Variants in GABPA observed in about 807,000 individuals in gnomAD.
GABPA encodes GA binding protein transcription factor subunit alpha.
In GABPA, 4 loss-of-function variants were observed where a neutral mutation model predicts 59.4. The ratio of observed to expected loss-of-function variants is 0.07; its 90% confidence interval spans 0.03 to 0.15. GABPA has a LOEUF of 0.15. Ranked by LOEUF, GABPA falls within the 10% of genes least tolerant of loss-of-function variation. The pLI is 1.00. For synonymous variants in GABPA, 164 were observed against 183.1 expected (o/e 0.90, Z 0.84); for missense variants, 251 against 543.8 (o/e 0.46, Z 5.36).
At position 25,734,994 on chromosome 21, in the gene GABPA, A is replaced by G; in HGVS notation, c.-611A>G. The G allele has an allele frequency of 6.5e-7, 1 of 1,549,482 alleles. No homozygotes were observed. The highest frequency in any genetic ancestry group is 8.7e-7 in the Non-Finnish European group (1 of 1,147,110). On this transcript the variant is annotated 5_prime_UTR_variant, in exon 1 of 10. Coordinates refer to ENST00000400075, the MANE Select transcript of GABPA (RefSeq NM_002040.4). ...TTCAGTCGGTCGACGCTCACCGGAC[A>G]GGAAGCGTCTCGGAGACAGTCTGCG...
intron 3 of GABPA, among the ~76,000 whole-genome samples, chr21:25,748,512 C>G (rs1169850393): frequency 6.6e-6 from 1 of 152,080 alleles, no homozygotes; most frequent in African/African-American, 2.4e-5. Context: ...AATTAGGATT[C>G]AAGATATTCA....
intron 1 of GABPA, among the ~76,000 whole-genome samples, chr21:25,736,378 C>T (rs1280697256): frequency 6.6e-6 from 1 of 152,124 alleles, no homozygotes; most frequent in Non-Finnish European, 1.5e-5. Flanking sequence ...TAGAACGAGG[C>T]GGTGATAACA....
intron 5 of GABPA, among the ~76,000 whole-genome samples, chr21:25,752,835 G>A (rs1347770252): frequency 1.3e-5 from 2 of 152,290 alleles, no homozygotes; most frequent in East Asian, 3.9e-4. Flanking sequence ...TAGAGACTAA[G>A]TGAAGGGAAA....
At chr21:25,767,607 CTTTCCT>C (rs1259507279) in intron 9 of GABPA, among the ~76,000 whole-genome samples, 1 of 152,066 alleles carries the variant, frequency 6.6e-6, no homozygotes, top group Non-Finnish European at 1.5e-5. Flanking sequence ...TATAAAACCT[CTTTCCT>C]TTTCCATTTT....
At chr21:25,756,795 T>G (rs1457348018) in intron 5 of GABPA, among the ~76,000 whole-genome samples, 1 of 152,192 alleles carries the variant, frequency 6.6e-6, no homozygotes, top group African/African-American at 2.4e-5. Flanking sequence ...GGTTTTTGGT[T>G]TTGTTCTCCA....
At chr21:25,750,286 T>A (rs1038237148) in intron 4 of GABPA, among the ~76,000 whole-genome samples, 1 of 152,232 alleles carries the variant, frequency 6.6e-6, no homozygotes. Context: ...GATGAAACTT[T>A]ATCCACTCGC....
At chr21:25,751,908 G>A in intron 4 of GABPA, 81 bp from the exon 5 acceptor site, 1 of 1,397,472 alleles carries the variant, frequency 7.2e-7, no homozygotes, top group East Asian at 2.3e-5. Flanking sequence ...TCTACCATTT[G>A]GGAACATATA....
intron 7 of GABPA, among the ~76,000 whole-genome samples, chr21:25,763,794 G>T (rs2035821812): frequency 6.6e-6 from 1 of 152,080 alleles, no homozygotes. Context: ...GTGTCATAGG[G>T]TTTCTATCCT....
intron 6 of GABPA, among the ~76,000 whole-genome samples, chr21:25,760,503 C>T (rs2035739333): frequency 6.6e-6 from 1 of 152,046 alleles, no homozygotes. Context: ...TGAGCCACCA[C>T]CTGCCTGCAG....
intron 9 of GABPA, among the ~76,000 whole-genome samples, chr21:25,766,983 C>G (rs2035906231): frequency 6.6e-6 from 1 of 151,940 alleles, no homozygotes; most frequent in African/African-American, 2.4e-5. Context: ...GTGAACCTCA[C>G]AAACATAATG....
At chr21:25,766,579 AAT>A (rs2146103338) in intron 9 of GABPA, among the ~76,000 whole-genome samples, 1 of 152,072 alleles carries the variant, frequency 6.6e-6, no homozygotes, top group South Asian at 2.1e-4. Context: ...ATGGCCAATG[AAT>A]ATATGCAAAG....
At chr21:25,742,056 A>G (rs1026798007) in intron 2 of GABPA, among the ~76,000 whole-genome samples, 4 of 152,378 alleles carry the variant, frequency 2.6e-5, no homozygotes, top group African/African-American at 7.2e-5. Flanking sequence ...GAATATGTGA[A>G]TAAATAAGAT....
chr21:25,756,687 CATGGAGGTCTT>C (rs2035645517), intron 5 of GABPA, among the ~76,000 whole-genome samples: 9 of 152,170 alleles, frequency 5.9e-5, no homozygotes, highest in African/African-American at 1.9e-4. Context: ...AAGCTAAGAC[CATGGAGGTCTT>C]ATAGCTGTTA....
At chr21:25,739,069 C>T (rs2035152357) in intron 1 of GABPA, among the ~76,000 whole-genome samples, 1 of 152,256 alleles carries the variant, frequency 6.6e-6, no homozygotes. Flanking sequence ...CCTGCGCAGT[C>T]TGCTCCATAT....
At position 25,752,052 on chromosome 21, in the gene GABPA, T is replaced by C. The variant is rs554182561; in HGVS notation, c.371T>C (p.Ile124Thr). 4 of 1,608,106 alleles carry C rather than the reference T, an allele frequency of 2.5e-6. No homozygotes were observed. The highest frequency in any genetic ancestry group is 1.7e-5 in the Admixed American group (1 of 59,930). ...VKPADTVEVV[I>T]DPDAHHAESE... ...CCTGCGGACACTGTTGAGGTTGTTATTGATCCAGATGCCCACCATGCTGAA... is the reference window on the plus strand; with the variant it reads ...CCTGCGGACACTGTTGAGGTTGTTACTGATCCAGATGCCCACCATGCTGAA... The change falls in exon 5 of 10, where the codon ATT (isoleucine) becomes ACT (threonine). Residue 124 changes from isoleucine to threonine, a missense_variant. By Grantham distance (89) the Ile-to-Thr change is moderately conservative. This residue lies in a region of GABPA where 207 missense variants were observed against 366.7 expected (regional missense o/e 0.56). Transcript: ENST00000400075.
intron 7 of GABPA, chr21:25,763,038 A>G: frequency 2.8e-6 from 1 of 355,560 alleles, no homozygotes; most frequent in South Asian, 3.0e-5. Flanking sequence ...CCTTTGATTC[A>G]TCTATATTGG....
Position 25,769,441 on chromosome 21 carries a change from C to CTG in GABPA, c.*209_*210insTG, listed in dbSNP as rs2035967834. On this transcript the variant is annotated 3_prime_UTR_variant, in exon 10 of 10. Coordinates refer to ENST00000400075, the MANE Select transcript of GABPA (RefSeq NM_002040.4). Reference sequence around the variant, plus strand: ...AGAATATGTGTATGTTAAAGGATCTCCACAATGTCTGCAGTGTGAAGGCAG... The same window carrying CTG: ...AGAATATGTGTATGTTAAAGGATCTCTGCACAATGTCTGCAGTGTGAAGGCAG... 1 of 494,938 alleles carries CTG rather than the reference C, an allele frequency of 2.0e-6. No homozygotes were observed. Among genetic ancestry groups the CTG allele is most frequent in the Admixed American group, 3.4e-5 (1 of 29,806 alleles). 30.7% of individuals were successfully genotyped at this position (494,938 alleles called of 1,614,324 possible). A position where few individuals can be genotyped will look rare whatever the true frequency, so the allele number is the denominator to read the frequency against.
chr21:25,743,558 A>G (rs746724808), intron 2 of GABPA, among the ~76,000 whole-genome samples: 1 of 151,792 alleles, frequency 6.6e-6, no homozygotes, highest in Non-Finnish European at 1.5e-5. Flanking sequence ...CTGTGCAAGA[A>G]TTTAGGTCTA....
Position 25,769,907 on chromosome 21 carries a change from T to A in GABPA, c.*675T>A, listed in dbSNP as rs898801059. 1.3e-5 allele frequency: 2 copies of A among 152,610 alleles called. No homozygotes were observed. Among genetic ancestry groups the A allele is most frequent in the African/African-American group, 4.8e-5 (2 of 41,450 alleles). The allele number at this position is 152,610 out of a possible 1,614,324, so 9.5% of individuals were successfully genotyped here. On this transcript the variant is annotated 3_prime_UTR_variant, in exon 10 of 10. Coordinates refer to ENST00000400075, the MANE Select transcript of GABPA (RefSeq NM_002040.4). ...AATTTTAAGGATTTTCTGTATAGATTACTCATGTCAGACCAAGAATTTAAA... is the reference window on the plus strand; with the variant it reads ...AATTTTAAGGATTTTCTGTATAGATAACTCATGTCAGACCAAGAATTTAAA...
Sources: allele counts gnomAD v4.1 joint callset (sites outside exome capture counted in the v4.1 genomes callset), GRCh38; gene constraint gnomAD v4.1.1; regional missense constraint gnomAD v4.1.1; transcripts MANE v1.5; gene names NCBI Gene and HGNC (gene_info 2026-07-23, HGNC 2026-07-21).